LPP: variants seen among roughly 807,000 people sequenced by gnomAD.
The protein encoded by LPP is LIM domain containing preferred translocation partner in lipoma.
In LPP, 38 loss-of-function variants were observed where a neutral mutation model predicts 60.4. The ratio of observed to expected loss-of-function variants is 0.63; its 90% CI spans 0.49 to 0.83. The LOEUF is 0.83. Ranked by LOEUF, LPP falls within the 40% of genes least tolerant of loss-of-function variation. The pLI, the probability that LPP is intolerant of heterozygous loss-of-function variation, is 0.00. For synonymous variants in LPP, 328 were observed against 290.8 expected (o/e 1.13, Z -1.30); for missense variants, 902 against 783.6 (o/e 1.15, Z -1.80).
rs987724439 is a variant in LPP, at chr3:188,182,594, C to T, written c.-190+28342C>T. Among the ~76,000 whole-genome samples the T allele has an allele frequency of 1.3e-5, 2 of 152,034 alleles. No homozygotes were observed. The highest frequency in any genetic ancestry group is 4.8e-5 in the African/African-American group (2 of 41,386). On this transcript the variant is annotated intron_variant, in intron 1 of 11. Transcript: ENST00000617246. This position sits in a 1 kb window ranked among gnomAD's most constrained non-coding sequence, Gnocchi z 4.4. ...ATATTTAATTAGCACCTGCTATGTG[C>T]CAAGTCCTGTGCCCAGCTCTTTACA...
At chr3:188,373,736 C>T (rs1314259633) in intron 3 of LPP, among the ~76,000 whole-genome samples, 1 of 152,076 alleles carries the variant, frequency 6.6e-6, no homozygotes, top group Admixed American at 6.6e-5. Flanking sequence ...TCAATTATGG[C>T]TTTTGTTGCC....
intron 4 of LPP, among the ~76,000 whole-genome samples, chr3:188,452,270 A>G (rs1796766235): frequency 6.6e-6 from 1 of 152,174 alleles, no homozygotes; most frequent in Non-Finnish European, 1.5e-5. Context: ...CTAGCTGAGC[A>G]TTATATTATG....
At chr3:188,819,305 CT>C (rs1753331299) in intron 9 of LPP, among the ~76,000 whole-genome samples, 1 of 151,938 alleles carries the variant, frequency 6.6e-6, no homozygotes, top group South Asian at 2.1e-4. Context: ...CTTTCTCCCC[CT>C]CCTTCCTTCC....
At chr3:188,292,987 C>A (rs936314449) in intron 2 of LPP, among the ~76,000 whole-genome samples, 4 of 152,072 alleles carry the variant, frequency 2.6e-5, no homozygotes, top group Admixed American at 2.0e-4. Context: ...TAATTAGCTC[C>A]AACTCTACAA....
chr3:188,477,046 TG>T (rs1803421179), intron 4 of LPP, among the ~76,000 whole-genome samples: 1 of 152,204 alleles, frequency 6.6e-6, no homozygotes, highest in Admixed American at 6.5e-5. Flanking sequence ...GCTCTCCCTC[TG>T]GGACAGAGGT....
At chr3:188,333,244 G>A (rs1760646265) in intron 2 of LPP, among the ~76,000 whole-genome samples, 1 of 152,058 alleles carries the variant, frequency 6.6e-6, no homozygotes, top group Admixed American at 6.6e-5. Flanking sequence ...ACAACAATTG[G>A]CACTGAGTAA....
At chr3:188,468,383 A>G (rs572344150) in intron 4 of LPP, among the ~76,000 whole-genome samples, 2 of 152,310 alleles carry the variant, frequency 1.3e-5, no homozygotes, top group African/African-American at 4.8e-5. Context: ...AGCCATAGAC[A>G]ATAAGTAAAT....
chr3:188,223,940 TC>T (rs1397888764), intron 1 of LPP, among the ~76,000 whole-genome samples: 1 of 152,336 alleles, frequency 6.6e-6, no homozygotes, highest in African/African-American at 2.4e-5. Flanking sequence ...CCACTAGGTC[TC>T]AGGAAACTCC....
rs1843182736 is a variant in LPP, at chr3:188,609,404, G to C, written c.673G>C (p.Val225Leu). The C allele has an allele frequency of 6.2e-7, 1 of 1,614,118 alleles. No individual in the cohort carries two copies. Among genetic ancestry groups the C allele is most frequent in the African/African-American group, 1.3e-5 (1 of 75,028 alleles). ...TSSRPTFNVQ[V>L]KSAQPSPHYM... ...TTCAAGGCCTACCTTTAATGTGCAGGTGAAGTCAGCCCAGCCCAGCCCTCA... is the reference window on the plus strand; with the variant it reads ...TTCAAGGCCTACCTTTAATGTGCAGCTGAAGTCAGCCCAGCCCAGCCCTCA... The change falls in exon 7 of 12, where the codon GTG (valine) becomes CTG (leucine). Residue 225 changes from valine to leucine, a missense_variant. Physicochemically the swap from Val to Leu is conservative, Grantham distance 32 (BLOSUM62 1). Transcript: ENST00000617246. The surrounding 1 kb of genome is among the most constrained non-coding windows in gnomAD (Gnocchi z 6.9).
At chr3:188,247,819 A>ATG (rs1383605225) in intron 2 of LPP, among the ~76,000 whole-genome samples, 1 of 151,042 alleles carries the variant, frequency 6.6e-6, no homozygotes, top group Non-Finnish European at 1.5e-5. Context: ...AAAAAAAAAG[A>ATG]TGTGATCAAT....
In LPP at chr3:188,387,081, A is replaced by G. The variant is rs564236126; in HGVS notation, c.-9-19031A>G. 1.1e-4 allele frequency among the ~76,000 whole-genome samples: 16 copies of G among 152,204 alleles called. No homozygotes were observed. In the South Asian group the frequency reaches 1.2e-3, roughly 12 times the overall value. On this transcript the variant is annotated intron_variant, in intron 3 of 11. Coordinates refer to ENST00000617246, the MANE Select transcript of LPP (RefSeq NM_001375462.1). ...GTTGAGTCTCATTTTCCTGCCTTTA[A>G]TGACAAAGAAATTACAAACCTTATA...
chr3:188,298,878 G>A (rs1355914897), intron 2 of LPP, among the ~76,000 whole-genome samples: 1 of 152,130 alleles, frequency 6.6e-6, no homozygotes, highest in Non-Finnish European at 1.5e-5. Context: ...AAGTTTGCAT[G>A]AGCAGAGGGA....
chr3:188,270,986 G>A (rs975061308), intron 2 of LPP, among the ~76,000 whole-genome samples: 1 of 152,130 alleles, frequency 6.6e-6, no homozygotes, highest in East Asian at 1.9e-4. Flanking sequence ...GATGATCTTC[G>A]AGATTTCTAC....
At position 188,375,955 on chromosome 3, in the gene LPP, A is replaced by G. The variant is rs1430111064; in HGVS notation, c.-9-30157A>G. ...ACATCTTTATTTCTGCCTTCATTTC[A>G]TTATTTACCCAGTAGTCATTCAGGA... is the stretch of plus-strand genomic sequence containing the variant. On this transcript the variant is annotated intron_variant, in intron 3 of 11. Transcript: ENST00000617246. Among the ~76,000 whole-genome samples the G allele has an allele frequency of 1.5e-4, 23 of 152,024 alleles. No individual in the cohort carries two copies. In the South Asian group the frequency reaches 4.2e-3, roughly 28 times the overall value.
intron 2 of LPP, among the ~76,000 whole-genome samples, chr3:188,311,471 TCTAAACTAAACTAAA>T (rs56278922): frequency 0.014 from 1,981 of 142,046 alleles, 31 homozygotes; most frequent in African/African-American, 0.036. Flanking sequence ...AGACCCTATC[TCTAAACTAAACTAAA>T]CTAAACTAAA....
At chr3:188,419,386 C>T (rs1787171752) in intron 4 of LPP, among the ~76,000 whole-genome samples, 1 of 152,146 alleles carries the variant, frequency 6.6e-6, no homozygotes, top group African/African-American at 2.4e-5. Flanking sequence ...GAAGTGACTC[C>T]ATGGCTAACT....
At chr3:188,437,141 T>C (rs1222423731) in intron 4 of LPP, among the ~76,000 whole-genome samples, 1 of 152,212 alleles carries the variant, frequency 6.6e-6, no homozygotes, top group Non-Finnish European at 1.5e-5. Context: ...ATTAAGATGA[T>C]GATCTTTTAT....
intron 7 of LPP, among the ~76,000 whole-genome samples, chr3:188,636,813 G>A (rs558438428): frequency 9.9e-5 from 15 of 151,594 alleles, no homozygotes; most frequent in South Asian, 6.3e-4. Context: ...CACCTCACAC[G>A]GCAGGGTATT....
At chr3:188,589,908 AAC>A (rs1838301446) in intron 6 of LPP, among the ~76,000 whole-genome samples, 1 of 152,210 alleles carries the variant, frequency 6.6e-6, no homozygotes, top group African/African-American at 2.4e-5. Flanking sequence ...TATTGTTTAC[AAC>A]AGTTTTGCCT....
Sources: allele counts gnomAD v4.1 joint callset (sites outside exome capture counted in the v4.1 genomes callset), GRCh38; gene constraint gnomAD v4.1.1; non-coding constraint Gnocchi (gnomAD v3.1); transcripts MANE v1.5; gene names NCBI Gene and HGNC (gene_info 2026-07-23, HGNC 2026-07-21).